The following PTPRT variants were observed in gnomAD, a reference collection of about 807,000 sequenced individuals.
PTPRT encodes protein tyrosine phosphatase receptor type T, also known as receptor-type tyrosine-protein phosphatase T.
Under a neutral mutation model 176.8 loss-of-function variants are expected in PTPRT, and 56 were observed. That is an observed-to-expected ratio of 0.32 (90% CI 0.26 to 0.40). The LOEUF (loss-of-function observed/expected upper bound fraction) is 0.40, where lower values mean the gene tolerates loss of function less well. Ranked by LOEUF, PTPRT falls within the 10% of genes least tolerant of loss-of-function variation. The probability of loss-of-function intolerance (pLI) is 1.00; values close to 1 mark genes in which losing one functional copy is unlikely to be tolerated. For synonymous variants in PTPRT, 783 were observed against 739.0 expected, an observed-to-expected ratio of 1.06 and a Z score of -0.96; for missense variants, 1,540 against 1,908.2, an observed-to-expected ratio of 0.81 and a Z score of 3.60.
At position 42,074,783 on chromosome 20, in the gene PTPRT, T is replaced by C. The variant is rs1982612912; in HGVS notation, c.*6096A>G. 2.5e-6 allele frequency: 1 copy of C among 398,510 alleles called. No individual in the cohort carries two copies. Among genetic ancestry groups the C allele is most frequent in the Admixed American group, 4.4e-5 (1 of 22,710 alleles). 24.7% of individuals were successfully genotyped at this position (398,510 alleles called of 1,614,324 possible). A position where few individuals can be genotyped will look rare whatever the true frequency, so the allele number is the denominator to read the frequency against. ...CCCTTTGATGACCTTTTCCCATCTCTTCTGGAGGTGGGCAGGTGGGATGCA... is the reference window on the plus strand; with the variant it reads ...CCCTTTGATGACCTTTTCCCATCTCCTCTGGAGGTGGGCAGGTGGGATGCA... On this transcript the variant is annotated 3_prime_UTR_variant, in exon 31 of 31. Transcript: ENST00000373187.
At chr20:43,173,688 C>T (rs971327998) in intron 1 of PTPRT, among the ~76,000 whole-genome samples, 1 of 152,128 alleles carries the variant, frequency 6.6e-6, no homozygotes, top group Non-Finnish European at 1.5e-5. Context: ...GTGCTGGGTC[C>T]CCAGTGTGAA....
chr20:42,922,166 C>T (rs887514547), intron 1 of PTPRT, among the ~76,000 whole-genome samples: 4 of 152,156 alleles, frequency 2.6e-5, no homozygotes, highest in Non-Finnish European at 5.9e-5. Context: ...AAACTCCTGA[C>T]CTCGTGATCC....
chr20:42,428,863 T>A (rs6030227), intron 9 of PTPRT, among the ~76,000 whole-genome samples: 63,894 of 151,876 alleles, frequency 0.42, 15,113 homozygotes, highest in Admixed American at 0.54. Flanking sequence ...GACTACATGG[T>A]TTCCAAGCCA....
intron 2 of PTPRT, among the ~76,000 whole-genome samples, chr20:42,809,974 GCTTAGA>G (rs2077673692): frequency 6.6e-6 from 1 of 152,064 alleles, no homozygotes; most frequent in Non-Finnish European, 1.5e-5. Context: ...TTACCCTCAT[GCTTAGA>G]CTTAAATTTG....
chr20:43,023,300 G>A (rs1050005146), intron 1 of PTPRT, among the ~76,000 whole-genome samples: 4 of 152,146 alleles, frequency 2.6e-5, no homozygotes, highest in African/African-American at 9.7e-5. Flanking sequence ...GACTGTGTGT[G>A]ACCTGAAGCA....
intron 6 of PTPRT, among the ~76,000 whole-genome samples, chr20:42,710,006 T>A: frequency 6.6e-6 from 1 of 152,202 alleles, no homozygotes; most frequent in East Asian, 1.9e-4. Context: ...AGAATAAATT[T>A]CTAAGCAGCA....
At chr20:42,663,780 T>A (rs1291605808) in intron 7 of PTPRT, among the ~76,000 whole-genome samples, 1 of 152,192 alleles carries the variant, frequency 6.6e-6, no homozygotes, top group East Asian at 1.9e-4. Flanking sequence ...CCCATGCCAT[T>A]AGATACATAT....
intron 16 of PTPRT, among the ~76,000 whole-genome samples, chr20:42,184,674 T>G (rs1600647072): frequency 1.3e-5 from 2 of 149,566 alleles, no homozygotes; most frequent in Admixed American, 1.4e-4. Flanking sequence ...GTTGCCCAGG[T>G]TGGAGTGCAG....
At chr20:42,932,712 G>A (rs1288370397) in intron 1 of PTPRT, among the ~76,000 whole-genome samples, 2 of 152,134 alleles carry the variant, frequency 1.3e-5, no homozygotes, top group African/African-American at 4.8e-5. Context: ...AGGCTCTGGC[G>A]GGGGCTTCAC....
chr20:42,081,132 C>G (rs1240224161), intron 30 of PTPRT, among the ~76,000 whole-genome samples, 200 bp from the exon 31 acceptor site: 1 of 152,182 alleles, frequency 6.6e-6, no homozygotes, highest in Non-Finnish European at 1.5e-5. Context: ...CCCAAGCTTC[C>G]TCGAATGCCC....
intron 2 of PTPRT, among the ~76,000 whole-genome samples, chr20:42,883,843 CAT>C (rs1489301895): frequency 4.1e-5 from 3 of 73,576 alleles, no homozygotes; most frequent in Admixed American, 2.8e-4. Flanking sequence ...CCCCCATACA[CAT>C]AGACACACAC....
intron 15 of PTPRT, among the ~76,000 whole-genome samples, chr20:42,218,792 G>C (rs1048725059): frequency 6.6e-6 from 1 of 152,206 alleles, no homozygotes; most frequent in Non-Finnish European, 1.5e-5. Context: ...GAGTGGCCTA[G>C]CACCCTGGCC....
intron 1 of PTPRT, among the ~76,000 whole-genome samples, chr20:42,901,554 A>G (rs954665164): frequency 1.3e-5 from 2 of 152,120 alleles, no homozygotes; most frequent in African/African-American, 4.8e-5. Context: ...AGCTCCTGGC[A>G]CGTCCCCCAC....
At chr20:42,542,397 GA>G (rs74686571) in intron 7 of PTPRT, among the ~76,000 whole-genome samples, 25,092 of 151,604 alleles carry the variant, frequency 0.17, 2,310 homozygotes, top group Admixed American at 0.28. Flanking sequence ...TTTCCAGGGG[GA>G]AAAAAAATAC....
At chr20:42,588,079 C>A (rs2073503079) in intron 7 of PTPRT, among the ~76,000 whole-genome samples, 1 of 152,150 alleles carries the variant, frequency 6.6e-6, no homozygotes, top group Non-Finnish European at 1.5e-5. Flanking sequence ...GGTATAGGAA[C>A]AAGCCCTCCA....
At chr20:42,807,793 G>A (rs1316946184) in intron 2 of PTPRT, among the ~76,000 whole-genome samples, 2 of 152,056 alleles carry the variant, frequency 1.3e-5, no homozygotes, top group Non-Finnish European at 2.9e-5. Context: ...TACTAATTAT[G>A]TGCCCGCTAA....
chr20:43,146,475 T>C lies in PTPRT; in HGVS notation c.88+43171A>G, dbSNP rs75966222. Among the ~76,000 whole-genome samples the C allele has an allele frequency of 2.0e-3, 303 of 152,074 alleles. 5 individuals carry two copies. In the East Asian group the frequency reaches 0.037, roughly 19 times the overall value. On this transcript the variant is annotated intron_variant, in intron 1 of 30. Transcript: ENST00000373187. ...ACCACAGTTAGCCAATTCCAGGAGA[T>C]ATCTTGGGATGAGATTGTGATTAGG...
chr20:42,459,334 G>C (rs533736641), intron 8 of PTPRT, among the ~76,000 whole-genome samples: 1 of 152,190 alleles, frequency 6.6e-6, no homozygotes, highest in East Asian at 1.9e-4. Context: ...GTGAAACTTC[G>C]GGTTTTTAAT....
At chr20:43,049,955 G>A (rs1986982600) in intron 1 of PTPRT, among the ~76,000 whole-genome samples, 1 of 152,166 alleles carries the variant, frequency 6.6e-6, no homozygotes, top group South Asian at 2.1e-4. Flanking sequence ...TGAGCTGCTG[G>A]GGTACTATCA....
Sources: gnomAD v4.1 joint callset for allele counts (sites outside exome capture counted in the v4.1 genomes callset) on GRCh38, gnomAD v4.1.1 for gene constraint, MANE v1.5 for transcripts, NCBI Gene and HGNC (gene_info 2026-07-23, HGNC 2026-07-21) for gene names.